Variants in ABLIM3 observed in about 807,000 individuals in gnomAD.
ABLIM3 encodes the protein actin binding LIM protein family member 3.
A neutral mutation model predicts 109.5 loss-of-function variants in ABLIM3; 61 were observed. The ratio of observed to expected loss-of-function variants is 0.56; its 90% CI spans 0.45 to 0.69. The LOEUF is 0.69. Ranked by LOEUF, ABLIM3 falls within the 30% of genes least tolerant of loss-of-function variation. The pLI is 0.00. For missense variants in ABLIM3, 796 were observed against 889.5 expected, an observed-to-expected ratio of 0.89 and a Z score of 1.34; for synonymous variants, 300 against 324.8, an observed-to-expected ratio of 0.92 and a Z score of 0.82.
At chr5:149,232,846 ATTTAACCCACT>A (rs1446506276) in intron 9 of ABLIM3, among the ~76,000 whole-genome samples, 1 of 152,202 alleles carries the variant, frequency 6.6e-6, no homozygotes, top group Admixed American at 6.5e-5. Flanking sequence ...ATTACGTGAA[ATTTAACCCACT>A]TTTACATTTT....
At chr5:149,211,240 G>C (rs567162462) in intron 7 of ABLIM3, among the ~76,000 whole-genome samples, 5 of 152,106 alleles carry the variant, frequency 3.3e-5, no homozygotes, top group African/African-American at 1.2e-4. Flanking sequence ...AGCTTGTCTA[G>C]CAGCTTGCTC....
chr5:149,230,863 G>C (rs555936749), intron 9 of ABLIM3, among the ~76,000 whole-genome samples, 156 bp downstream of exon 9: 3 of 152,290 alleles, frequency 2.0e-5, no homozygotes, highest in African/African-American at 7.2e-5. Context: ...GGTAACACCT[G>C]CCCCATGGGG....
chr5:149,192,517 T>G (rs1433798399), intron 3 of ABLIM3, among the ~76,000 whole-genome samples: 6 of 151,100 alleles, frequency 4.0e-5, no homozygotes, highest in Non-Finnish European at 2.9e-5. Flanking sequence ...TCCCAGCTAC[T>G]CAGGAGGCTG....
chr5:149,170,263 T>TCTCTCTCC (rs1554082441), intron 2 of ABLIM3, among the ~76,000 whole-genome samples: 3 of 149,096 alleles, frequency 2.0e-5, no homozygotes, highest in South Asian at 2.2e-4. Flanking sequence ...TCTCTCTCTC[T>TCTCTCTCC]CCTTCTCCCT....
chr5:149,225,982 G>GTGTGTGTATATA (rs1272837276), intron 8 of ABLIM3, among the ~76,000 whole-genome samples: 1 of 45,512 alleles, frequency 2.2e-5, no homozygotes, highest in Non-Finnish European at 4.0e-5. Flanking sequence ...GTGTGTGTGT[G>GTGTGTGTATATA]TATATATATA....
intron 3 of ABLIM3, among the ~76,000 whole-genome samples, chr5:149,193,940 T>C (rs554246766): frequency 1.3e-5 from 2 of 152,302 alleles, no homozygotes; most frequent in East Asian, 1.9e-4. Flanking sequence ...TCCAGGTGGA[T>C]TTGCTTTACT....
At chr5:149,156,068 A>T (rs1254403119) in intron 2 of ABLIM3, among the ~76,000 whole-genome samples, 3 of 152,226 alleles carry the variant, frequency 2.0e-5, no homozygotes, top group Non-Finnish European at 4.4e-5. Context: ...GGATGCAGGG[A>T]GAATGAGCTC....
chr5:149,252,479 A>T (rs924471036), intron 22 of ABLIM3: 6 of 549,924 alleles, frequency 1.1e-5, no homozygotes, highest in Admixed American at 3.3e-5. Context: ...AGACACTTAC[A>T]TTCGGGAGGT....
rs1752756888 is a variant in ABLIM3 at position 149,240,906 on chromosome 5, T to C, written c.1303+132T>C. The C allele has an allele frequency of 7.8e-6, 6 of 773,416 alleles. No homozygotes were observed. The South Asian group carries it at 7.8e-5, about 10-fold the overall frequency. The allele number at this position is 773,416 out of a possible 1,614,324, so 47.9% of individuals were successfully genotyped here. On this transcript the variant is annotated intron_variant, in intron 14 of 23. Coordinates refer to ENST00000309868, the MANE Select transcript of ABLIM3 (RefSeq NM_014945.5). The stretch of plus-strand genomic sequence containing the variant: ...TGAGGGACCTCCCTAACCAAGCACC[T>C]GCACCAACCCTGTCCTCCAACCCCA...
At chr5:149,230,796 G>T in intron 9 of ABLIM3, 89 bp downstream of exon 9, 3 of 1,456,258 alleles carry the variant, frequency 2.1e-6, no homozygotes, top group Non-Finnish European at 9.6e-7. Context: ...GACAGGGTCA[G>T]CATTCCTTAG....
chr5:149,238,456 G>C (rs774609916), intron 11 of ABLIM3, among the ~76,000 whole-genome samples: 2 of 152,098 alleles, frequency 1.3e-5, no homozygotes, highest in Admixed American at 6.5e-5. Context: ...TCTGGTTTCC[G>C]GCCCCTGAAA....
intron 2 of ABLIM3, among the ~76,000 whole-genome samples, chr5:149,174,021 CAAAAAAAAAA>C (rs57000637): frequency 2.0e-4 from 8 of 40,218 alleles, no homozygotes; most frequent in African/African-American, 2.7e-4. Flanking sequence ...GACTCCGTCT[CAAAAAAAAAA>C]AAAAAAAAAA....
intron 22 of ABLIM3, 115 bp downstream of exon 22, chr5:149,252,323 C>A (rs951570195): frequency 2.5e-6 from 3 of 1,196,916 alleles, no homozygotes; most frequent in Middle Eastern, 2.0e-4. Context: ...AGATAAATAA[C>A]CCCAGGGGTC....
In ABLIM3 at chr5:149,230,735, G is replaced by A. The variant is rs368407947; in HGVS notation, c.816+28G>A. The A allele has an allele frequency of 1.0e-4, 166 of 1,613,158 alleles. 1 individual carries two copies. Among genetic ancestry groups the A allele is most frequent in the Admixed American group, 8.3e-4 (50 of 60,016 alleles). On this transcript the variant is annotated intron_variant, in intron 9 of 23. Coordinates refer to ENST00000309868, the MANE Select transcript of ABLIM3 (RefSeq NM_014945.5). ...AAGCAAGCTAGTAGATTCCAGACCA[G>A]CACTCCTGCTTTGCTACTTTCTGCC...
At position 149,151,347 on chromosome 5, in the gene ABLIM3, C is replaced by T. The variant is rs544664829; in HGVS notation, c.13+9239C>T. Among the ~76,000 whole-genome samples the T allele has an allele frequency of 5.9e-5, 9 of 152,266 alleles. No homozygotes were observed. In the East Asian group the frequency reaches 1.5e-3, roughly 26 times the overall value. On this transcript the variant is annotated intron_variant, in intron 2 of 23. Transcript: ENST00000309868. ...TTTATCCCTGTAAAGACTCTATTGC[C>T]AAATACGGTTATATTCTGAGGTACT...
intron 2 of ABLIM3, among the ~76,000 whole-genome samples, chr5:149,160,394 G>T (rs367641517): frequency 7.0e-6 from 1 of 141,954 alleles, no homozygotes; most frequent in African/African-American, 2.6e-5. Context: ...GGAGGTGGAG[G>T]TTGCACTGAG....
chr5:149,234,378 G>T (rs527725947), intron 10 of ABLIM3, among the ~76,000 whole-genome samples: 3 of 152,136 alleles, frequency 2.0e-5, no homozygotes, highest in African/African-American at 7.2e-5. Context: ...TGGGGAAAAT[G>T]GTCTGTAACA....
intron 9 of ABLIM3, among the ~76,000 whole-genome samples, chr5:149,232,769 T>C (rs1290203217): frequency 2.0e-5 from 3 of 152,022 alleles, no homozygotes; most frequent in Non-Finnish European, 4.4e-5. Context: ...GTTTTTTTTT[T>C]AAGTTTATCA....
At chr5:149,161,445 TAATGTC>T (rs1472410948) in intron 2 of ABLIM3, among the ~76,000 whole-genome samples, 6 of 152,214 alleles carry the variant, frequency 3.9e-5, no homozygotes, top group Admixed American at 1.3e-4. Flanking sequence ...TTTCAGCAGA[TAATGTC>T]AATAAGCCCT....
Sources: allele counts gnomAD v4.1 joint callset (sites outside exome capture counted in the v4.1 genomes callset), GRCh38; gene constraint gnomAD v4.1.1; transcripts MANE v1.5; gene names NCBI Gene and HGNC (gene_info 2026-07-23, HGNC 2026-07-21).